NOL9: variants seen among roughly 807,000 people sequenced by gnomAD.
The protein encoded by NOL9 is polynucleotide 5'-hydroxyl-kinase NOL9.
In NOL9, 28 loss-of-function variants were observed where a neutral mutation model predicts 67.9. That is an observed-to-expected ratio of 0.41 (90% CI 0.31 to 0.57). The LOEUF is 0.57. Ranked by LOEUF, NOL9 falls within the 20% of genes least tolerant of loss-of-function variation. NOL9 has a pLI of 0.25. For missense variants in NOL9, 777 were observed against 897.0 expected (o/e 0.87, Z 1.71); for synonymous variants, 356 against 352.2 (o/e 1.01, Z -0.12).
At chr1:6,537,172 G>A (rs953728154) in intron 6 of NOL9, among the ~76,000 whole-genome samples, 2 of 151,716 alleles carry the variant, frequency 1.3e-5, no homozygotes, top group Non-Finnish European at 2.9e-5. Flanking sequence ...AAATAAGGCC[G>A]GGAAATCTGG....
intron 6 of NOL9, among the ~76,000 whole-genome samples, chr1:6,537,588 G>A (rs997318283): frequency 5.3e-5 from 8 of 152,082 alleles, no homozygotes; most frequent in East Asian, 1.9e-4. Flanking sequence ...AAAACTTACC[G>A]AAAAGCTATA....
chr1:6,548,138 C>G (rs868386914), intron 3 of NOL9: 2 of 101,852 alleles, frequency 2.0e-5, no homozygotes, highest in Non-Finnish European at 4.0e-5. Context: ...ACTTAAAGTT[C>G]TTTTTTTTTT....
At chr1:6,538,087 T>C (rs1639197069) in intron 6 of NOL9, among the ~76,000 whole-genome samples, 2 of 149,462 alleles carry the variant, frequency 1.3e-5, no homozygotes, top group South Asian at 4.2e-4. Context: ...TTAAAAACTA[T>C]AAAGCTCTTA....
In NOL9 at chr1:6,552,209, C is replaced by G. The variant is rs7552172; in HGVS notation, c.397-1594G>C. On this transcript the variant is annotated intron_variant, in intron 1 of 11. Transcript: ENST00000377705. ...CTTAATACATAGGTGATGTGTTGAT[C>G]TGTGCAGCAAACCACCAAGGCACCC... is the stretch of plus-strand genomic sequence containing the variant. Among the ~76,000 whole-genome samples the G allele has an allele frequency of 3.3e-5, 5 of 152,084 alleles. No individual in the cohort carries two copies. The South Asian group carries it at 1.0e-3, about 32-fold the overall frequency.
rs1200093424 is a variant in NOL9 at position 6,525,900 on chromosome 1, T to C, written c.2063A>G (p.Lys688Arg). The part of the protein sequence containing the change: ...IGAREPEEAH[K>R]EKPYRRPKFC... ...CTTAGGTCTTCGGTATGGTTTCTCT[T>C]TATGTGCCTCCTCAGGTTCTCTTGC... The change falls in exon 12 of 12, where the codon AAA becomes AGA. Residue 688 changes from lysine to arginine, a missense_variant. Physicochemically the swap from Lys to Arg is conservative, Grantham distance 26. Transcript: ENST00000377705. The C allele has an allele frequency of 1.2e-6, 2 of 1,614,178 alleles. No individual in the cohort carries two copies. Among genetic ancestry groups the C allele is most frequent in the Non-Finnish European group, 1.7e-6 (2 of 1,180,016 alleles).
chr1:6,540,965 G>A (rs982390374), intron 6 of NOL9: 2 of 150,130 alleles, frequency 1.3e-5, no homozygotes, highest in African/African-American at 4.9e-5. Context: ...GTAGAACTGT[G>A]GATAACTGGT....
chr1:6,531,449 G>A (rs1278025052), intron 9 of NOL9, among the ~76,000 whole-genome samples: 4 of 151,954 alleles, frequency 2.6e-5, no homozygotes, highest in African/African-American at 7.3e-5. Context: ...TCCTGACCTC[G>A]TGATCTGCCC....
chr1:6,527,637 AAC>A (rs139790880), intron 10 of NOL9, among the ~76,000 whole-genome samples: 106,210 of 144,904 alleles, frequency 0.73, 39,436 homozygotes, highest in Middle Eastern at 0.83. Context: ...AACAAAACAA[AAC>A]AAAAAAAAAA....
At position 6,533,452 on chromosome 1, in the gene NOL9, A is replaced by AC; in HGVS notation, c.1076-12_1076-11insG. Reference sequence around the variant, plus strand: ...GAGTGAAAGGTGGTCCTAAAAAGATAAAGATGAGTAATCAGATGAGTAAGG... The same window carrying AC: ...GAGTGAAAGGTGGTCCTAAAAAGATACAAGATGAGTAATCAGATGAGTAAGG... On this transcript the variant is annotated splice_polypyrimidine_tract_variant and intron_variant, in intron 6 of 11. Transcript: ENST00000377705. 6 of 1,569,316 alleles carry AC rather than the reference A, an allele frequency of 3.8e-6. No homozygotes were observed. The highest frequency in any genetic ancestry group is 5.2e-6 in the Non-Finnish European group (6 of 1,153,436).
chr1:6,543,380 A>G (rs1240111639), intron 5 of NOL9, among the ~76,000 whole-genome samples: 1 of 152,080 alleles, frequency 6.6e-6, no homozygotes, highest in Non-Finnish European at 1.5e-5. Flanking sequence ...TATTTTTAGT[A>G]GAGACGGGGT....
chr1:6,546,763 C>T (rs893549065), intron 3 of NOL9, among the ~76,000 whole-genome samples: 3 of 152,174 alleles, frequency 2.0e-5, no homozygotes, highest in Non-Finnish European at 4.4e-5. Context: ...TTTCATCCAT[C>T]TTAACAAAAT....
intron 10 of NOL9, among the ~76,000 whole-genome samples, chr1:6,527,546 C>CTT (rs2148648718): frequency 6.6e-6 from 1 of 151,644 alleles, no homozygotes; most frequent in East Asian, 1.9e-4. Context: ...ACTCGGGAGT[C>CTT]TGAGACACAA....
intron 6 of NOL9, among the ~76,000 whole-genome samples, chr1:6,536,879 G>T (rs1639167843): frequency 6.6e-6 from 1 of 152,136 alleles, no homozygotes; most frequent in Non-Finnish European, 1.5e-5. Flanking sequence ...GATCAGGCAT[G>T]GTGGCTCTGC....
rs569453177 is a variant in NOL9, at chr1:6,528,900, T to C, written c.1825+94A>G. The C allele has an allele frequency of 5.1e-5, 65 of 1,277,402 alleles. No homozygotes were observed. In the African/African-American group the frequency reaches 7.4e-4, roughly 15 times the overall value. 79.1% of individuals were successfully genotyped at this position (1,277,402 alleles called of 1,614,324 possible). On this transcript the variant is annotated intron_variant, in intron 10 of 11. Transcript: ENST00000377705. ...TGGGGGTTCTCTGACCTCTGTAGCTTAGACACAGCTACAAGGTCAAGACCA... is the reference window on the plus strand; with the variant it reads ...TGGGGGTTCTCTGACCTCTGTAGCTCAGACACAGCTACAAGGTCAAGACCA...
rs765501088 is a variant in NOL9, at chr1:6,554,303, C to T, written c.200G>A (p.Arg67His). 68 of 1,476,510 alleles carry T rather than the reference C, an allele frequency of 4.6e-5. No homozygotes were observed. The highest frequency in any genetic ancestry group is 5.8e-5 in the Non-Finnish European group (65 of 1,116,632). 91.5% of individuals were successfully genotyped at this position (1,476,510 alleles called of 1,614,324 possible). The change falls in exon 1 of 12, where the codon CGC becomes CAC. Residue 67 changes from arginine to histidine, a missense_variant. Physicochemically the swap from Arg to His is conservative, Grantham distance 29. This residue lies in a region of NOL9 where 364 missense variants were observed against 344.4 expected (regional missense o/e 1.06). Transcript: ENST00000377705. ...ASGVDWREGA[R>H]QVSRAAAARR... is the part of the protein sequence containing the mutation. ...GGCCGCCGCCGCGCGCGACACCTGG[C>T]GGGCTCCCTCCCTCCAGTCCACGCC...
At chr1:6,526,940 T>A in intron 10 of NOL9, 111 bp from the exon 11 acceptor site, 1 of 1,372,862 alleles carries the variant, frequency 7.3e-7, no homozygotes, top group Non-Finnish European at 9.8e-7. Flanking sequence ...TCAACTCTGT[T>A]TTGTTTTGAA....
At chr1:6,551,991 C>A (rs576419178) in intron 1 of NOL9, among the ~76,000 whole-genome samples, 1 of 151,854 alleles carries the variant, frequency 6.6e-6, no homozygotes. Flanking sequence ...GCCCAGATTG[C>A]GCCACTGCAC....
At chr1:6,548,041 G>T in intron 3 of NOL9, 1 of 271,218 alleles carries the variant, frequency 3.7e-6, no homozygotes. Context: ...TAATAAAATT[G>T]TTTGTCTCTG....
At chr1:6,547,980 G>C in intron 3 of NOL9, 2 of 289,676 alleles carry the variant, frequency 6.9e-6, no homozygotes, top group Non-Finnish European at 1.4e-5. Context: ...CACCGTCATA[G>C]GCTTCCTACA....
Sources: gnomAD v4.1 joint callset for allele counts (sites outside exome capture counted in the v4.1 genomes callset) on GRCh38, gnomAD v4.1.1 for gene constraint, gnomAD v4.1.1 regional missense constraint, MANE v1.5 for transcripts, NCBI Gene and HGNC (gene_info 2026-07-23, HGNC 2026-07-21) for gene names.